The following ECPAS variants were observed in gnomAD, a reference collection of about 807,000 sequenced individuals.
ECPAS encodes the protein proteasome adapter and scaffold protein ECM29.
In ECPAS, 70 loss-of-function variants were observed where a neutral mutation model predicts 255.1. The ratio of observed to expected loss-of-function variants is 0.27; its 90% CI spans 0.23 to 0.33. The LOEUF (loss-of-function observed/expected upper bound fraction) is 0.33, where lower values mean the gene tolerates loss of function less well. ECPAS is among the 10% of genes least tolerant of loss of function. ECPAS has a pLI of 1.00. For synonymous variants in ECPAS, 784 were observed against 775.0 expected (o/e 1.01, Z -0.19); for missense variants, 1,817 against 2,206.4 (o/e 0.82, Z 3.54).
At chr9:111,465,633 A>G (rs1366889025) in intron 2 of ECPAS, among the ~76,000 whole-genome samples, 1 of 151,504 alleles carries the variant, frequency 6.6e-6, no homozygotes, top group Non-Finnish European at 1.5e-5. Context: ...TGATAATTTT[A>G]TTTTATGATA....
intron 25 of ECPAS, among the ~76,000 whole-genome samples, chr9:111,395,427 T>C (rs2098166213): frequency 1.3e-5 from 2 of 152,170 alleles, no homozygotes; most frequent in South Asian, 4.1e-4. Flanking sequence ...AGAACACGCA[T>C]GATCAAAATT....
intron 11 of ECPAS, 38 bp from the exon 12 acceptor site, chr9:111,425,534 A>C (rs1452284258): frequency 1.5e-6 from 2 of 1,374,092 alleles, no homozygotes; most frequent in Admixed American, 4.6e-5. Flanking sequence ...CAAGATAAGA[A>C]TCTCATGACT....
rs370360123 is a variant in ECPAS, at chr9:111,367,739, T to C, written c.5114-1112A>G. Among the ~76,000 whole-genome samples, 43 of 152,236 alleles carry C rather than the reference T, an allele frequency of 2.8e-4. No homozygotes were observed. In the South Asian group the frequency reaches 8.9e-3, roughly 32 times the overall value. On this transcript the variant is annotated intron_variant, in intron 46 of 49. Coordinates refer to ENST00000684092, the MANE Select transcript of ECPAS (RefSeq NM_001364929.1). The stretch of plus-strand genomic sequence containing the variant: ...CAATCACAAATAATCAACAGTACTT[T>C]TTATAACATTCAATAATATTGTCGC...
chr9:111,412,891 C>CA (rs2098196899), intron 20 of ECPAS, among the ~76,000 whole-genome samples: 1 of 151,122 alleles, frequency 6.6e-6, no homozygotes, highest in East Asian at 1.9e-4. Flanking sequence ...CTGTATTTTC[C>CA]AAAAAAAGAA....
At chr9:111,367,448 T>C (rs937918162) in intron 46 of ECPAS, among the ~76,000 whole-genome samples, 1 of 152,340 alleles carries the variant, frequency 6.6e-6, no homozygotes, top group South Asian at 2.1e-4. Context: ...CTATGTCTTA[T>C]ATTAAAATAA....
At chr9:111,377,311 A>C (rs528591367) in intron 36 of ECPAS, among the ~76,000 whole-genome samples, 62 of 152,372 alleles carry the variant, frequency 4.1e-4, no homozygotes, top group African/African-American at 1.3e-3. Context: ...AAATTAAAAA[A>C]ACAGTCAAAT....
chr9:111,363,477 T>C (rs1272680368), intron 49 of ECPAS, 111 bp downstream of exon 49: 1 of 618,766 alleles, frequency 1.6e-6, no homozygotes, highest in Non-Finnish European at 2.8e-6. Flanking sequence ...ACATACTGAT[T>C]TGTATTTCAG....
intron 2 of ECPAS, among the ~76,000 whole-genome samples, chr9:111,462,644 T>G (rs541074342): frequency 4.6e-5 from 7 of 152,124 alleles, no homozygotes; most frequent in South Asian, 2.1e-4. Flanking sequence ...GAAATAAATC[T>G]AATGAAACAT....
chr9:111,468,480 G>A lies in ECPAS; in HGVS notation c.22+4417C>T, dbSNP rs536277956. 5.1e-4 allele frequency among the ~76,000 whole-genome samples: 78 copies of A among 152,252 alleles called. No homozygotes were observed. The South Asian group carries it at 7.9e-3, about 15-fold the overall frequency. ...TACGACGTGACTCCAAACCAGCAGA[G>A]ATGCAGCAGTTACTGCCGAGAGAAG... On this transcript the variant is annotated intron_variant, in intron 2 of 49. Transcript: ENST00000684092.
At chr9:111,427,681 T>C (rs2098223773) in intron 10 of ECPAS, among the ~76,000 whole-genome samples, 1 of 152,180 alleles carries the variant, frequency 6.6e-6, no homozygotes, top group African/African-American at 2.4e-5. Context: ...CTGAAGGTAA[T>C]TTATACAATA....
At chr9:111,427,948 T>C in intron 10 of ECPAS, 94 bp downstream of exon 10, 1 of 1,064,338 alleles carries the variant, frequency 9.4e-7, no homozygotes, top group Non-Finnish European at 1.3e-6. Context: ...TACATCAACC[T>C]ACCCACTGAA....
intron 24 of ECPAS, among the ~76,000 whole-genome samples, chr9:111,404,588 C>T (rs1315059911): frequency 6.7e-6 from 1 of 149,162 alleles, no homozygotes; most frequent in African/African-American, 2.6e-5. Context: ...TCTCCTGCTC[C>T]TGCCATGTAA....
At chr9:111,448,353 G>A (rs915679607) in intron 3 of ECPAS, among the ~76,000 whole-genome samples, 1 of 151,568 alleles carries the variant, frequency 6.6e-6, no homozygotes, top group Admixed American at 6.6e-5. Context: ...GGAAAACAAT[G>A]GTTAACAATA....
chr9:111,429,545 T>C (rs902261304), intron 9 of ECPAS, among the ~76,000 whole-genome samples: 10 of 152,218 alleles, frequency 6.6e-5, no homozygotes, highest in Non-Finnish European at 1.2e-4. Context: ...AAAAGTTATG[T>C]GATCAGCCAA....
Position 111,389,594 on chromosome 9 carries a change from T to C in ECPAS, c.3409A>G (p.Thr1137Ala), listed in dbSNP as rs767456103. 1.2e-6 allele frequency: 2 copies of C among 1,613,746 alleles called. No individual in the cohort carries two copies. Among genetic ancestry groups the C allele is most frequent in the East Asian group, 2.2e-5 (1 of 44,884 alleles). The change falls in exon 31 of 50, where the codon ACA (threonine) becomes GCA (alanine). Residue 1137 changes from threonine (T) to alanine (A), a missense_variant. Transcript: ENST00000684092. ...DPNLGIRQAM[T>A]SIWNALVTDK... ...GTGACCAACGCATTCCAAATACTTG[T>C]CATGGCCTGTCGAATGCCAAGGTTG...
intron 3 of ECPAS, among the ~76,000 whole-genome samples, chr9:111,448,736 T>C (rs757738952): frequency 6.6e-6 from 1 of 152,218 alleles, no homozygotes; most frequent in Non-Finnish European, 1.5e-5. Context: ...ACTGTAACAT[T>C]TGCACACTAT....
chr9:111,483,567 G>C (rs1419604506), intron 1 of ECPAS: 1 of 866,770 alleles, frequency 1.2e-6, no homozygotes, highest in Non-Finnish European at 1.4e-6. Flanking sequence ...GGGAACGAGG[G>C]AGGGGCTGGG....
At chr9:111,407,184 C>G (rs2098185284) in intron 24 of ECPAS, among the ~76,000 whole-genome samples, 1 of 146,228 alleles carries the variant, frequency 6.8e-6, no homozygotes, top group South Asian at 2.1e-4. Flanking sequence ...GGCGGATCAC[C>G]TGAGGGCAGA....
rs1294361317 is a variant in ECPAS at position 111,372,335 on chromosome 9, G to A, written c.4528+94C>T. ...GGATGCATATTAAGGTCCTGGGAAAGTAACTTCAGAGGAGTTTATGAATAA... is the reference window on the plus strand; with the variant it reads ...GGATGCATATTAAGGTCCTGGGAAAATAACTTCAGAGGAGTTTATGAATAA... On this transcript the variant is annotated intron_variant, in intron 42 of 49. Transcript: ENST00000684092. 2.2e-5 allele frequency: 26 copies of A among 1,168,484 alleles called. No individual in the cohort carries two copies. In the South Asian group the frequency reaches 3.6e-4, roughly 16 times the overall value. The allele number at this position is 1,168,484 out of a possible 1,614,324, so 72.4% of individuals were successfully genotyped here.
Sources: allele counts gnomAD v4.1 joint callset (sites outside exome capture counted in the v4.1 genomes callset), GRCh38; gene constraint gnomAD v4.1.1; transcripts MANE v1.5; gene names NCBI Gene and HGNC (gene_info 2026-07-23, HGNC 2026-07-21).